CNTN5: variants seen among roughly 807,000 people sequenced by gnomAD.
The protein encoded by CNTN5 is contactin 5.
In CNTN5, 77 loss-of-function variants were observed where a neutral mutation model predicts 129.1. The observed-to-expected ratio is 0.60, with a 90% CI of 0.50 to 0.72. CNTN5 has a LOEUF of 0.72. Among genes scored for constraint, CNTN5 ranks in the 30% least tolerant of loss-of-function variants. CNTN5 has a pLI of 0.00. For missense variants in CNTN5, 1,478 were observed against 1,328.8 expected (o/e 1.11, Z -1.75); for synonymous variants, 509 against 465.6 (o/e 1.09, Z -1.20).
At chr11:99,220,139 C>T (rs905817891) in intron 1 of CNTN5, among the ~76,000 whole-genome samples, 6 of 151,986 alleles carry the variant, frequency 3.9e-5, no homozygotes, top group Non-Finnish European at 5.9e-5. Flanking sequence ...ATAAGTTCTT[C>T]TCCATTTCTA....
At chr11:99,866,177 G>A (rs1262111503) in intron 6 of CNTN5, among the ~76,000 whole-genome samples, 1 of 152,094 alleles carries the variant, frequency 6.6e-6, no homozygotes, top group East Asian at 1.9e-4. Flanking sequence ...TGTCACGAAT[G>A]GTTTTGCTCT....
chr11:100,050,559 G>C (rs987183279), intron 9 of CNTN5, among the ~76,000 whole-genome samples: 3 of 151,658 alleles, frequency 2.0e-5, no homozygotes, highest in Admixed American at 1.3e-4. Context: ...ACACCAGCAT[G>C]GCACATGTGT....
chr11:100,144,518 T>G (rs757454037), intron 13 of CNTN5, among the ~76,000 whole-genome samples: 9 of 152,158 alleles, frequency 5.9e-5, no homozygotes, highest in Non-Finnish European at 1.2e-4. Flanking sequence ...ATTAAACAGT[T>G]AAACAGACTT....
chr11:99,523,192 C>T (rs1231338008), intron 2 of CNTN5, among the ~76,000 whole-genome samples: 2 of 152,196 alleles, frequency 1.3e-5, no homozygotes, highest in African/African-American at 4.8e-5. Context: ...TCTGTTGACA[C>T]TCTTCCTTTG....
At chr11:99,929,350 C>T (rs1342830265) in intron 7 of CNTN5, among the ~76,000 whole-genome samples, 1 of 152,158 alleles carries the variant, frequency 6.6e-6, no homozygotes, top group Non-Finnish European at 1.5e-5. Flanking sequence ...CAACCTCTGC[C>T]TGTTACCCAG....
At chr11:99,789,033 C>T (rs1462903091) in intron 3 of CNTN5, among the ~76,000 whole-genome samples, 1 of 151,760 alleles carries the variant, frequency 6.6e-6, no homozygotes, top group Non-Finnish European at 1.5e-5. Context: ...CTCCCCAAAA[C>T]CGTGCTCATT....
chr11:99,730,492 A>G (rs1046028811), intron 3 of CNTN5, among the ~76,000 whole-genome samples: 33 of 152,340 alleles, frequency 2.2e-4, no homozygotes, highest in African/African-American at 7.2e-4. Flanking sequence ...GCTGCCGGTT[A>G]TCTACTATTA....
chr11:100,090,501 TCCTCCCTC>T (rs1193942049), intron 13 of CNTN5, among the ~76,000 whole-genome samples: 1 of 44,010 alleles, frequency 2.3e-5, no homozygotes, highest in African/African-American at 1.4e-4. Flanking sequence ...TTTCCTCCTT[TCCTCCCTC>T]CCTCCCTCCC....
intron 1 of CNTN5, among the ~76,000 whole-genome samples, chr11:99,090,285 G>C (rs1347820847): frequency 6.6e-6 from 1 of 152,100 alleles, no homozygotes; most frequent in Non-Finnish European, 1.5e-5. Context: ...AAAGTAAGTA[G>C]ATCAGCAGCC....
intron 21 of CNTN5, among the ~76,000 whole-genome samples, chr11:100,321,833 AGAT>A (rs1951702870): frequency 6.6e-6 from 1 of 152,170 alleles, no homozygotes; most frequent in Admixed American, 6.5e-5. Flanking sequence ...CATTCCAGTG[AGAT>A]GATGTATTAC....
intron 9 of CNTN5, among the ~76,000 whole-genome samples, chr11:100,059,528 T>TA (rs57281844): frequency 0.016 from 2,436 of 151,222 alleles, 17 homozygotes; most frequent in Non-Finnish European, 0.022. Flanking sequence ...AGCAAAATAA[T>TA]AAAAAAAACA....
At chr11:99,230,956 C>T (rs1471194840) in intron 1 of CNTN5, among the ~76,000 whole-genome samples, 3 of 152,130 alleles carry the variant, frequency 2.0e-5, no homozygotes, top group Non-Finnish European at 4.4e-5. Context: ...CTTCCAGCTC[C>T]ATCCATGTCA....
chr11:99,639,335 G>A (rs1469251328), intron 3 of CNTN5, among the ~76,000 whole-genome samples: 1 of 152,166 alleles, frequency 6.6e-6, no homozygotes, highest in Non-Finnish European at 1.5e-5. Context: ...GTGAGGAATG[G>A]CCGTGAAGCT....
intron 5 of CNTN5, 41 bp downstream of exon 5, chr11:99,845,016 A>T (rs1172867073): frequency 6.2e-7 from 1 of 1,609,682 alleles, no homozygotes; most frequent in Non-Finnish European, 8.5e-7. Context: ...AGCCTTAAAA[A>T]CTTTCCATCA....
At chr11:99,599,963 GAA>G (rs1212802659) in intron 3 of CNTN5, among the ~76,000 whole-genome samples, 1 of 151,976 alleles carries the variant, frequency 6.6e-6, no homozygotes, top group African/African-American at 2.4e-5. Flanking sequence ...AAAGTAAAGA[GAA>G]AAAAACCTTT....
chr11:99,607,023 A>G (rs1016394325), intron 3 of CNTN5, among the ~76,000 whole-genome samples: 1 of 117,826 alleles, frequency 8.5e-6, no homozygotes, highest in African/African-American at 3.3e-5. Flanking sequence ...ATTACCATTC[A>G]GGACATAGGC....
chr11:99,278,264 C>T (rs1863538018), intron 1 of CNTN5, among the ~76,000 whole-genome samples: 1 of 151,488 alleles, frequency 6.6e-6, no homozygotes, highest in Non-Finnish European at 1.5e-5. Flanking sequence ...CTTTCACTTG[C>T]TGTATTTTAT....
At chr11:99,848,714 C>A (rs2135714426) in intron 6 of CNTN5, among the ~76,000 whole-genome samples, 1 of 152,214 alleles carries the variant, frequency 6.6e-6, no homozygotes, top group South Asian at 2.1e-4. Context: ...CTTATTTTTA[C>A]CTTTTACACT....
At chr11:100,020,635 T>C (rs906402982) in intron 9 of CNTN5, among the ~76,000 whole-genome samples, 2 of 152,112 alleles carry the variant, frequency 1.3e-5, no homozygotes, top group Non-Finnish European at 2.9e-5. Flanking sequence ...TTCATATGAA[T>C]TATCTCTGTT....
Sources: gnomAD v4.1 joint callset for allele counts (sites outside exome capture counted in the v4.1 genomes callset) on GRCh38, gnomAD v4.1.1 for gene constraint, MANE v1.5 for transcripts, NCBI Gene and HGNC (gene_info 2026-07-23, HGNC 2026-07-21) for gene names.